Variants in ARMC9 observed in about 807,000 individuals in gnomAD.
ARMC9 encodes the protein lisH domain-containing protein ARMC9.
Under a neutral mutation model 107.0 loss-of-function variants are expected in ARMC9, and 94 were observed. That is an observed-to-expected ratio of 0.88 (90% CI 0.74 to 1.04). The LOEUF (loss-of-function observed/expected upper bound fraction) is 1.04. Ranked by LOEUF, ARMC9 falls within the 50% of genes least tolerant of loss-of-function variation. The pLI is 0.00. For synonymous variants in ARMC9, 380 were observed against 396.9 expected (o/e 0.96, Z 0.51); for missense variants, 942 against 1,030.1 (o/e 0.91, Z 1.17).
chr2:231,325,451 C>A (rs2043262073), intron 19 of ARMC9, among the ~76,000 whole-genome samples: 1 of 152,138 alleles, frequency 6.6e-6, no homozygotes, highest in African/African-American at 2.4e-5. Context: ...TATTTTGTTT[C>A]TTAATGTTTC....
rs952222472 is a variant in ARMC9, at chr2:231,261,607, A to G, written c.1027-699A>G. Among the ~76,000 whole-genome samples the G allele has an allele frequency of 2.6e-5, 4 of 151,994 alleles. No homozygotes were observed. In the East Asian group the frequency reaches 7.7e-4, roughly 29 times the overall value. Reference sequence around the variant, plus strand: ...TTCCTGAGCTAGACCTCACTTCCCTATCCCCCACTGTGCTCATGCTCCCCT... The same window carrying G: ...TTCCTGAGCTAGACCTCACTTCCCTGTCCCCCACTGTGCTCATGCTCCCCT... On this transcript the variant is annotated intron_variant, in intron 11 of 24. Transcript: ENST00000611582.
At chr2:231,323,318 A>G (rs989454553) in intron 19 of ARMC9, among the ~76,000 whole-genome samples, 1 of 152,174 alleles carries the variant, frequency 6.6e-6, no homozygotes, top group African/African-American at 2.4e-5. Context: ...AAAAGTCCAG[A>G]TACATCCTCA....
chr2:231,342,345 T>C (rs1170689539), intron 20 of ARMC9, among the ~76,000 whole-genome samples: 1 of 152,174 alleles, frequency 6.6e-6, no homozygotes, highest in South Asian at 2.1e-4. Flanking sequence ...GTTTCTGTAG[T>C]TTAAGGAGAT....
rs574843691 is a variant in ARMC9 at position 231,348,291 on chromosome 2, G to T, written c.1994+3201G>T. On this transcript the variant is annotated intron_variant, in intron 21 of 24. Coordinates refer to ENST00000611582, the MANE Select transcript of ARMC9 (RefSeq NM_001352754.2). ...GTGTCAGAAGTCTGAGTGACGCAAG[G>T]CCATGAGCCGAGGAATGCAGACACC... 3.3e-5 allele frequency among the ~76,000 whole-genome samples: 5 copies of T among 152,310 alleles called. No homozygotes were observed. The South Asian group carries it at 1.0e-3, about 32-fold the overall frequency.
intron 20 of ARMC9, among the ~76,000 whole-genome samples, chr2:231,339,832 T>G (rs1258367173): frequency 6.6e-6 from 1 of 152,198 alleles, no homozygotes; most frequent in Non-Finnish European, 1.5e-5. Context: ...CTTGGAAGGC[T>G]AAGGCAGGAG....
chr2:231,236,849 C>T (rs2035758296), intron 8 of ARMC9, among the ~76,000 whole-genome samples: 5 of 152,086 alleles, frequency 3.3e-5, no homozygotes, highest in African/African-American at 1.2e-4. Flanking sequence ...GAGGCTGAGG[C>T]GGGAGGAACT....
chr2:231,334,621 C>T (rs1353272846), intron 20 of ARMC9, among the ~76,000 whole-genome samples: 2 of 151,872 alleles, frequency 1.3e-5, no homozygotes, highest in Non-Finnish European at 2.9e-5. Flanking sequence ...CACACCAGGT[C>T]ACCATAGGAT....
At chr2:231,271,553 A>G (rs1309782763) in intron 13 of ARMC9, among the ~76,000 whole-genome samples, 1 of 152,228 alleles carries the variant, frequency 6.6e-6, no homozygotes, top group Non-Finnish European at 1.5e-5. Flanking sequence ...AACTGAATTT[A>G]AAATGATTTT....
In ARMC9 at chr2:231,331,856, G is replaced by T; in HGVS notation, c.1837G>T (p.Glu613Ter). 6.2e-7 allele frequency: 1 copy of T among 1,614,022 alleles called. No homozygotes were observed. Among genetic ancestry groups the T allele is most frequent in the South Asian group, 1.1e-5 (1 of 91,046 alleles). The change falls in exon 20 of 25, where the codon GAA becomes TAA. Residue 613 changes from glutamate to a stop codon, truncating the protein, a stop_gained. Coordinates refer to ENST00000611582, the MANE Select transcript of ARMC9 (RefSeq NM_001352754.2). LOFTEE classifies it high-confidence loss of function. Reference sequence around the variant, plus strand: ...CGAACTGATCCAGCCCCAGCTCGGAGAACTCTCAGGAGAGAAGCTTCTGAC... The same window carrying T: ...CGAACTGATCCAGCCCCAGCTCGGATAACTCTCAGGAGAGAAGCTTCTGAC... ...KDELIQPQLG[E>*]LSGEKLLTTE...
At chr2:231,333,504 A>G (rs543003108) in intron 20 of ARMC9, among the ~76,000 whole-genome samples, 4 of 152,170 alleles carry the variant, frequency 2.6e-5, no homozygotes, top group African/African-American at 7.2e-5. Flanking sequence ...AGCTGTTTAC[A>G]TTAGGTGGAG....
Position 231,256,873 on chromosome 2 carries a change from T to G in ARMC9, c.914+253T>G, listed in dbSNP as rs531874160. 1.1e-4 allele frequency among the ~76,000 whole-genome samples: 17 copies of G among 152,372 alleles called. No homozygotes were observed. In the South Asian group the frequency reaches 3.5e-3, roughly 32 times the overall value. On this transcript the variant is annotated intron_variant, in intron 10 of 24. Coordinates refer to ENST00000611582, the MANE Select transcript of ARMC9 (RefSeq NM_001352754.2). Reference sequence around the variant, plus strand: ...AGAGTTTCGCTCTTGTTGCCCAGGCTGGAGTACAGTGGTGCAATCTCAGCT... The same window carrying G: ...AGAGTTTCGCTCTTGTTGCCCAGGCGGGAGTACAGTGGTGCAATCTCAGCT...
Position 231,272,500 on chromosome 2 carries a change from GTGTTTGTT to G in ARMC9, c.1211-429_1211-422del, listed in dbSNP as rs61386916. Among the ~76,000 whole-genome samples, 563 of 147,606 alleles carry G rather than the reference GTGTTTGTT, an allele frequency of 3.8e-3. 6 individuals are homozygous for G. Among genetic ancestry groups the G allele is most frequent in the African/African-American group, 0.013 (528 of 39,530 alleles). The stretch of plus-strand genomic sequence containing the variant: ...GTGAGCCACCTTGCACAACCAGTAA[GTGTTTGTT>G]TGTTTGTTTGTTTGTTTGTTTGTTT... On this transcript the variant is annotated intron_variant, in intron 13 of 24. Coordinates refer to ENST00000611582, the MANE Select transcript of ARMC9 (RefSeq NM_001352754.2).
At chr2:231,363,266 G>T (rs1454141530) in intron 23 of ARMC9, among the ~76,000 whole-genome samples, 2 of 152,110 alleles carry the variant, frequency 1.3e-5, no homozygotes, top group Non-Finnish European at 2.9e-5. Context: ...TGTGGCTTTG[G>T]TGGGGAACGT....
chr2:231,371,199 G>A (rs1223228955), intron 24 of ARMC9: 1 of 593,976 alleles, frequency 1.7e-6, no homozygotes, highest in African/African-American at 1.8e-5. Context: ...TGGCTGGCCT[G>A]GCCCCACATC....
intron 6 of ARMC9, among the ~76,000 whole-genome samples, chr2:231,224,627 G>A (rs1006040366): frequency 1.3e-5 from 2 of 152,162 alleles, no homozygotes; most frequent in African/African-American, 4.8e-5. Flanking sequence ...TGTTCCACAT[G>A]CTTTGAAGCA....
chr2:231,206,810 G>A lies in ARMC9; in HGVS notation c.51+521G>A, dbSNP rs78937723. On this transcript the variant is annotated intron_variant, in intron 2 of 24. Coordinates refer to ENST00000611582, the MANE Select transcript of ARMC9 (RefSeq NM_001352754.2). ...CTAGGTTTCCTACGCTAAAAGCTTT[G>A]ACAAGTAGGGCCCAGGCCTTAAACT... 3.9e-3 allele frequency among the ~76,000 whole-genome samples: 590 copies of A among 152,246 alleles called. 4 individuals carry two copies. Among genetic ancestry groups the A allele is most frequent in the African/African-American group, 0.014 (578 of 41,530 alleles).
chr2:231,273,206 C>A, intron 14 of ARMC9, 128 bp downstream of exon 14: 1 of 1,295,146 alleles, frequency 7.7e-7, no homozygotes, highest in Non-Finnish European at 1.1e-6. Context: ...CTTTCTAAGA[C>A]AGAGCTAGAA....
In ARMC9 at chr2:231,215,095, G is replaced by T. The variant is rs546262331; in HGVS notation, c.348+94G>T. The T allele has an allele frequency of 4.2e-6, 6 of 1,436,202 alleles. No homozygotes were observed. In the African/African-American group the frequency reaches 5.6e-5, roughly 13 times the overall value. The allele number at this position is 1,436,202 out of a possible 1,614,324, so 89.0% of individuals were successfully genotyped here. On this transcript the variant is annotated intron_variant, in intron 4 of 24. Transcript: ENST00000611582. ...CACATGGGCATGGATTTCATATGTG[G>T]CTGTGCTGTCATAATGCTTACGAGG...
chr2:231,213,164 C>CTTT (rs72180870), intron 3 of ARMC9, among the ~76,000 whole-genome samples: 7 of 137,668 alleles, frequency 5.1e-5, no homozygotes, highest in South Asian at 4.6e-4. Flanking sequence ...AACGTTTTTT[C>CTTT]TTTTTTTTTT....
Sources: allele counts gnomAD v4.1 joint callset (sites outside exome capture counted in the v4.1 genomes callset), GRCh38; gene constraint gnomAD v4.1.1; transcripts MANE v1.5; gene names NCBI Gene and HGNC (gene_info 2026-07-23, HGNC 2026-07-21).